Variants in GALNT13 observed in about 807,000 individuals in gnomAD.
GALNT13 encodes the protein polypeptide N-acetylgalactosaminyltransferase 13.
A neutral mutation model predicts 64.2 loss-of-function variants in GALNT13; 28 were observed. That is an observed-to-expected ratio of 0.44 (90% CI 0.32 to 0.60). GALNT13 has a LOEUF of 0.60. GALNT13 is among the 20% of genes least tolerant of loss of function. The probability of loss-of-function intolerance (pLI) is 0.05; values close to 1 mark genes in which losing one functional copy is unlikely to be tolerated. For synonymous variants in GALNT13, 214 were observed against 224.6 expected, an observed-to-expected ratio of 0.95 and a Z score of 0.42; for missense variants, 577 against 669.8, an observed-to-expected ratio of 0.86 and a Z score of 1.53.
the GALNT13 span, among the ~76,000 whole-genome samples, chr2:153,552,714 C>T: frequency 6.6e-6 from 1 of 151,782 alleles, no homozygotes; most frequent in Non-Finnish European, 1.5e-5. Context: ...CAGTGGTCCC[C>T]AACCTTTTTG....
At chr2:153,579,965 G>T in the GALNT13 span, among the ~76,000 whole-genome samples, 1 of 152,112 alleles carries the variant, frequency 6.6e-6, no homozygotes, top group Admixed American at 6.5e-5. Context: ...GTGTCTTACA[G>T]AATTTTATGT....
At chr2:153,270,558 G>GT in the GALNT13 span, among the ~76,000 whole-genome samples, 1 of 152,138 alleles carries the variant, frequency 6.6e-6, no homozygotes, top group African/African-American at 2.4e-5. Flanking sequence ...TGCAGTTTAA[G>GT]CTGTAAAAAC....
the GALNT13 span, among the ~76,000 whole-genome samples, chr2:153,110,700 T>A: frequency 3.3e-5 from 5 of 152,126 alleles, no homozygotes; most frequent in Non-Finnish European, 5.9e-5. Context: ...GTTCTAGGAC[T>A]GTGTATGCGA....
At chr2:154,234,790 A>G (rs557305980) in intron 4 of GALNT13, among the ~76,000 whole-genome samples, 2 of 152,218 alleles carry the variant, frequency 1.3e-5, no homozygotes, top group African/African-American at 4.8e-5. Flanking sequence ...CTTATTAACA[A>G]TATTTTTGTG....
At chr2:153,713,642 C>A in the GALNT13 span, among the ~76,000 whole-genome samples, 1 of 152,156 alleles carries the variant, frequency 6.6e-6, no homozygotes, top group Non-Finnish European at 1.5e-5. Flanking sequence ...GCCACCACAC[C>A]CAGCTAACTT....
the GALNT13 span, among the ~76,000 whole-genome samples, chr2:153,351,156 GT>G: frequency 2.2e-3 from 332 of 152,268 alleles, 1 homozygote; most frequent in African/African-American, 7.7e-3. Flanking sequence ...AAAATGGTTA[GT>G]TGGTGTGTGC....
chr2:153,758,675 C>T, the GALNT13 span, among the ~76,000 whole-genome samples: 1 of 152,146 alleles, frequency 6.6e-6, no homozygotes, highest in Non-Finnish European at 1.5e-5. Context: ...TCACTGCAAC[C>T]TCCACCTCCC....
At chr2:153,773,683 A>C in the GALNT13 span, among the ~76,000 whole-genome samples, 8 of 152,266 alleles carry the variant, frequency 5.3e-5, no homozygotes, top group African/African-American at 1.9e-4. Flanking sequence ...CTCTGGAGAA[A>C]ATATTGACAC....
the GALNT13 span, among the ~76,000 whole-genome samples, chr2:153,278,730 A>G: frequency 2.0e-5 from 3 of 152,168 alleles, no homozygotes; most frequent in East Asian, 5.8e-4. Flanking sequence ...TTTGTACAAC[A>G]AAGTATCATG....
At chr2:153,446,618 C>T in the GALNT13 span, among the ~76,000 whole-genome samples, 1 of 152,290 alleles carries the variant, frequency 6.6e-6, no homozygotes, top group Non-Finnish European at 1.5e-5. Flanking sequence ...TGGATACCGT[C>T]ACTATTTTGA....
the GALNT13 span, among the ~76,000 whole-genome samples, chr2:153,630,800 TATATA>T: frequency 1.5e-3 from 20 of 13,046 alleles, no homozygotes; most frequent in African/African-American, 3.7e-3. Flanking sequence ...TATATATATA[TATATA>T]TATTTTTTTT....
the GALNT13 span, among the ~76,000 whole-genome samples, chr2:153,737,427 T>C: frequency 5.3e-5 from 8 of 152,144 alleles, no homozygotes; most frequent in Non-Finnish European, 7.4e-5. Context: ...TCGTGTATTA[T>C]CAATTTTTGG....
intron 9 of GALNT13, among the ~76,000 whole-genome samples, chr2:154,313,954 T>C (rs1034084448): frequency 6.6e-6 from 1 of 152,122 alleles, no homozygotes; most frequent in Admixed American, 6.6e-5. Flanking sequence ...GATGGGTCCT[T>C]ATTACTTTCC....
chr2:153,403,388 T>C, the GALNT13 span, among the ~76,000 whole-genome samples: 2 of 152,142 alleles, frequency 1.3e-5, no homozygotes, highest in African/African-American at 4.8e-5. Context: ...TTTGTTTGTC[T>C]GTGCCCTGCC....
At chr2:153,793,291 G>A in the GALNT13 span, among the ~76,000 whole-genome samples, 1 of 151,868 alleles carries the variant, frequency 6.6e-6, no homozygotes, top group South Asian at 2.1e-4. Context: ...CATTTCATAG[G>A]TCTTAAAGGC....
intron 9 of GALNT13, among the ~76,000 whole-genome samples, chr2:154,377,806 A>G (rs12621256): frequency 0.11 from 17,334 of 152,150 alleles, 1,059 homozygotes; most frequent in Non-Finnish European, 0.14. Context: ...AGATTATGAT[A>G]GTAGCTGAGG....
At position 154,080,340 on chromosome 2, in the gene GALNT13, G is replaced by T. The variant is rs113919643; in HGVS notation, c.143-59997G>T. 2.6e-3 allele frequency among the ~76,000 whole-genome samples: 396 copies of T among 151,666 alleles called. 1 individual carries two copies. The highest frequency in any genetic ancestry group is 9.0e-3 in the African/African-American group (375 of 41,460). ...AAAAGGAAAGAGAAGAAAGAAGAAG[G>T]ATTAAGTATTACCTTCAGGACCAAA... is the stretch of plus-strand genomic sequence containing the variant. On this transcript the variant is annotated intron_variant, in intron 3 of 12. Transcript: ENST00000392825.
chr2:153,409,326 T>TCATATGTATATGTATATATA, the GALNT13 span, among the ~76,000 whole-genome samples: 1 of 147,132 alleles, frequency 6.8e-6, no homozygotes. Flanking sequence ...ATGTATATAT[T>TCATATGTATATGTATATATA]CATATGTATA....
chr2:153,484,942 G>T, the GALNT13 span, among the ~76,000 whole-genome samples: 1 of 152,138 alleles, frequency 6.6e-6, no homozygotes, highest in South Asian at 2.1e-4. Context: ...GTCAGTTTGA[G>T]GGGATTCCTA....
Sources: allele counts gnomAD v4.1 joint callset (sites outside exome capture counted in the v4.1 genomes callset), GRCh38; gene constraint gnomAD v4.1.1; transcripts MANE v1.5; gene names NCBI Gene and HGNC (gene_info 2026-07-23, HGNC 2026-07-21).